Variants in TMEM184C observed in about 807,000 individuals in gnomAD.
TMEM184C encodes the protein transmembrane protein 34.
Under a neutral mutation model 54.5 loss-of-function variants are expected in TMEM184C, and 25 were observed. That is an observed-to-expected ratio of 0.46 (90% CI 0.33 to 0.64). The LOEUF is 0.64. Among genes scored for constraint, TMEM184C ranks in the 30% least tolerant of loss-of-function variants. The pLI is 0.02. For synonymous variants in TMEM184C, 148 were observed against 181.5 expected (o/e 0.82, Z 1.49); for missense variants, 335 against 520.3 (o/e 0.64, Z 3.46).
intron 1 of TMEM184C, among the ~76,000 whole-genome samples, chr4:147,623,554 T>TAA (rs772418583): frequency 2.1e-5 from 3 of 139,954 alleles, no homozygotes; most frequent in African/African-American, 2.6e-5. Flanking sequence ...CTTTTCCCCT[T>TAA]AAAAAAAAAA....
chr4:147,628,513 G>C, intron 5 of TMEM184C, 78 bp downstream of exon 5: 1 of 1,144,254 alleles, frequency 8.7e-7, no homozygotes, highest in African/African-American at 1.6e-5. Context: ...AGAAAACATA[G>C]TGTTAATGTG....
rs770886646 is a variant in TMEM184C, at chr4:147,632,940, G to A, written c.817G>A (p.Val273Ile). 43 of 1,613,818 alleles carry A rather than the reference G, an allele frequency of 2.7e-5. No individual in the cohort carries two copies. Among genetic ancestry groups the A allele is most frequent in the Non-Finnish European group, 2.6e-5 (31 of 1,179,912 alleles). The change falls in exon 8 of 10, where the codon GTT (valine) becomes ATT (isoleucine). Residue 273 changes from valine to isoleucine, a missense_variant. Transcript: ENST00000296582. ...VVIALLVKVG[V>I]ISEKHTWEWQ... ...TATTGCTTTGTTGGTAAAAGTTGGCGTTATTTCTGAAAAGCATACGTGGGA... is the reference window on the plus strand; with the variant it reads ...TATTGCTTTGTTGGTAAAAGTTGGCATTATTTCTGAAAAGCATACGTGGGA...
At chr4:147,619,083 G>C (rs927647250) in intron 1 of TMEM184C, among the ~76,000 whole-genome samples, 8 of 152,144 alleles carry the variant, frequency 5.3e-5, no homozygotes, top group Non-Finnish European at 8.8e-5. Flanking sequence ...TGGTCGGGCT[G>C]GTCTCAAACT....
intron 5 of TMEM184C, 62 bp from the exon 6 acceptor site, chr4:147,629,537 T>C (rs1732875357): frequency 8.3e-7 from 1 of 1,211,974 alleles, no homozygotes; most frequent in Non-Finnish European, 1.2e-6. Flanking sequence ...AGTATTGCTA[T>C]TGCTGTATTT....
intron 5 of TMEM184C, 106 bp from the exon 6 acceptor site, chr4:147,629,489 TGTCA>T: frequency 1.4e-6 from 1 of 724,374 alleles, no homozygotes; most frequent in Non-Finnish European, 2.2e-6. Context: ...GTCAAGTGAT[TGTCA>T]GTGAGATCTC....
At chr4:147,633,711 A>G in intron 8 of TMEM184C, 54 bp from the exon 9 acceptor site, 1 of 1,448,250 alleles carries the variant, frequency 6.9e-7, no homozygotes, top group South Asian at 1.6e-5. Flanking sequence ...ATAGCACTCT[A>G]CAAACCTAGA....
rs1553989256 is a variant in TMEM184C, at chr4:147,636,600, C to CCT, written c.*2166_*2167insCT. 6.6e-6 allele frequency: 1 copy of CCT among 151,978 alleles called. No individual in the cohort carries two copies. Among genetic ancestry groups the CCT allele is most frequent in the Non-Finnish European group, 1.5e-5 (1 of 67,948 alleles). 9.4% of individuals were successfully genotyped at this position (151,978 alleles called of 1,614,324 possible). A position where few individuals can be genotyped will look rare whatever the true frequency, so the allele number is the denominator to read the frequency against. ...TTGGATATCACACCAAAAGCTCAGTCAACAAAAACAAAAACAAATGTGACT... is the reference window on the plus strand; with the variant it reads ...TTGGATATCACACCAAAAGCTCAGTCCTAACAAAAACAAAAACAAATGTGACT... On this transcript the variant is annotated 3_prime_UTR_variant, in exon 10 of 10. Coordinates refer to ENST00000296582, the MANE Select transcript of TMEM184C (RefSeq NM_018241.3).
Position 147,617,796 on chromosome 4 carries a change from A to G in TMEM184C, c.-161A>G. On this transcript the variant is annotated 5_prime_UTR_variant, in exon 1 of 10. Transcript: ENST00000296582. Reference sequence around the variant, plus strand: ...TGCAGAAGCAGCAGCAGCAGAAGACACAGCGCCGGTCCAGGAGGCGGCTCG... The same window carrying G: ...TGCAGAAGCAGCAGCAGCAGAAGACGCAGCGCCGGTCCAGGAGGCGGCTCG... 1 of 933,404 alleles carries G rather than the reference A, an allele frequency of 1.1e-6. No individual in the cohort carries two copies. Among genetic ancestry groups the G allele is most frequent in the Non-Finnish European group, 1.7e-6 (1 of 595,358 alleles). 57.8% of individuals were successfully genotyped at this position (933,404 alleles called of 1,614,324 possible).
intron 4 of TMEM184C, among the ~76,000 whole-genome samples, chr4:147,625,510 TATTATAGAA>T (rs1223916434): frequency 6.6e-6 from 1 of 152,246 alleles, no homozygotes; most frequent in Non-Finnish European, 1.5e-5. Context: ...CAATTGCATT[TATTATAGAA>T]ATGAACCACT....
chr4:147,632,534 T>G (rs2126554757), intron 7 of TMEM184C: 1 of 176,470 alleles, frequency 5.7e-6, no homozygotes, highest in Non-Finnish European at 1.2e-5. Context: ...TAATCTCCTT[T>G]TGATATTCAG....
chr4:147,633,749 ATTG>A lies in TMEM184C; in HGVS notation c.880-10_880-8del, dbSNP rs760041381. On this transcript the variant is annotated splice_polypyrimidine_tract_variant and intron_variant, in intron 8 of 9. Coordinates refer to ENST00000296582, the MANE Select transcript of TMEM184C (RefSeq NM_018241.3). ...TAAATCCAAAGGTGGCTGTTATCTTATTGTTGTTCTCATAGGATTTTATTATCT... is the reference window on the plus strand; with the variant it reads ...TAAATCCAAAGGTGGCTGTTATCTTATTGTTCTCATAGGATTTTATTATCT... 1.3e-6 allele frequency: 2 copies of A among 1,535,464 alleles called. No individual in the cohort carries two copies. Among genetic ancestry groups the A allele is most frequent in the East Asian group, 2.3e-5 (1 of 43,608 alleles).
At chr4:147,629,139 G>A (rs1578860510) in intron 5 of TMEM184C, among the ~76,000 whole-genome samples, 1 of 152,000 alleles carries the variant, frequency 6.6e-6, no homozygotes, top group South Asian at 2.1e-4. Flanking sequence ...AATACTGATG[G>A]TCATACTTAC....
intron 7 of TMEM184C, among the ~76,000 whole-genome samples, chr4:147,632,310 A>G (rs13119467): frequency 0.73 from 110,497 of 152,034 alleles, 44,965 homozygotes; most frequent in Non-Finnish European, 0.9. Flanking sequence ...CCAGAAAAGA[A>G]TGATTAACAT....
rs1362104825 is a variant in TMEM184C at position 147,617,669 on chromosome 4, C to T, written c.-288C>T. 4 of 376,914 alleles carry T rather than the reference C, an allele frequency of 1.1e-5. No individual in the cohort carries two copies. The highest frequency in any genetic ancestry group is 4.6e-5 in the South Asian group (2 of 43,528). The allele number at this position is 376,914 out of a possible 1,614,324, so 23.3% of individuals were successfully genotyped here. A position where few individuals can be genotyped will look rare whatever the true frequency, so the allele number is the denominator to read the frequency against. ...GGCGATCCCCAGGTGAGGGCAGCGG[C>T]TCTGCCTGGGATTCCACCGCAGTAC... On this transcript the variant is annotated 5_prime_UTR_variant, in exon 1 of 10. Transcript: ENST00000296582.
In TMEM184C at chr4:147,635,184, A is replaced by C. The variant is rs545160408; in HGVS notation, c.*750A>C. The C allele has an allele frequency of 6.6e-6, 1 of 152,300 alleles. No individual in the cohort carries two copies. The highest frequency in any genetic ancestry group is 1.9e-4 in the East Asian group (1 of 5,190). The allele number at this position is 152,300 out of a possible 1,614,324, so 9.4% of individuals were successfully genotyped here. On this transcript the variant is annotated 3_prime_UTR_variant, in exon 10 of 10. Coordinates refer to ENST00000296582, the MANE Select transcript of TMEM184C (RefSeq NM_018241.3). The stretch of plus-strand genomic sequence containing the variant: ...ACAAACAGTTATATCCCTATTCCTC[A>C]ACTGAATGTCTTTCAATAAATAAGA...
rs1003517279 is a variant in TMEM184C, at chr4:147,617,631, A to G, written c.-326A>G. On this transcript the variant is annotated 5_prime_UTR_variant, in exon 1 of 10. Transcript: ENST00000296582. ...GCTGCTCTCCTGGAAGCCATGGTAC[A>G]GGCAGAGCTCAGGGCGATCCCCAGG... The G allele has an allele frequency of 1.9e-4, 63 of 326,792 alleles. 1 individual carries two copies. In the Admixed American group the frequency reaches 2.1e-3, roughly 11 times the overall value. 20.2% of individuals were successfully genotyped at this position (326,792 alleles called of 1,614,324 possible).
At chr4:147,628,340 T>G (rs1381887945) in intron 4 of TMEM184C, 21 bp from the exon 5 acceptor site, 1 of 1,592,038 alleles carries the variant, frequency 6.3e-7, no homozygotes, top group East Asian at 2.2e-5. Context: ...GTTGAAATTC[T>G]AAGTTCTTTT....
At chr4:147,625,121 A>G (rs760541811) in intron 4 of TMEM184C, 112 bp downstream of exon 4, 10 of 1,015,112 alleles carry the variant, frequency 9.9e-6, no homozygotes, top group Non-Finnish European at 1.3e-5. Context: ...TAGCAGAACA[A>G]TAAGTATAAG....
rs1251084546 is a variant in TMEM184C, at chr4:147,617,935, C to T, written c.-22C>T. ...TTTCGAGATCTTTTCCCTTGCTAAC[C>T]GGATCTGATTTGTGCGAAAACATGC... On this transcript the variant is annotated 5_prime_UTR_variant, in exon 1 of 10. Coordinates refer to ENST00000296582, the MANE Select transcript of TMEM184C (RefSeq NM_018241.3). 15 of 1,613,486 alleles carry T rather than the reference C, an allele frequency of 9.3e-6. No homozygotes were observed. Among genetic ancestry groups the T allele is most frequent in the Non-Finnish European group, 1.1e-5 (13 of 1,179,726 alleles).
Sources: gnomAD v4.1 joint callset for allele counts (sites outside exome capture counted in the v4.1 genomes callset) on GRCh38, gnomAD v4.1.1 for gene constraint, MANE v1.5 for transcripts, NCBI Gene and HGNC (gene_info 2026-07-23, HGNC 2026-07-21) for gene names.